Variants in SLC15A1 observed in about 807,000 individuals in gnomAD.
SLC15A1 encodes the protein solute carrier family 15 member 1, also known as Caco-2 oligopeptide transporter.
Under a neutral mutation model 92.9 loss-of-function variants are expected in SLC15A1, and 83 were observed. The observed-to-expected ratio is 0.89, with a 90% CI of 0.75 to 1.07. The LOEUF is 1.07. Among genes scored for constraint, SLC15A1 ranks in the 50% least tolerant of loss-of-function variants. The probability of loss-of-function intolerance (pLI) is 0.00; values close to 1 mark genes in which losing one functional copy is unlikely to be tolerated. For synonymous variants in SLC15A1, 322 were observed against 318.2 expected (o/e 1.01, Z -0.13); for missense variants, 857 against 880.1 (o/e 0.97, Z 0.33).
At chr13:98,742,256 G>A (rs1431347416) in intron 1 of SLC15A1, among the ~76,000 whole-genome samples, 7 of 152,204 alleles carry the variant, frequency 4.6e-5, no homozygotes, top group Non-Finnish European at 8.8e-5. Flanking sequence ...GCCTGGCCCC[G>A]GCTCCTTGGC....
rs2088173290 is a variant in SLC15A1, at chr13:98,712,581, C to A, written c.727G>T (p.Ala243Ser). Reference sequence around the variant, plus strand: ...CGATGCCTAAATCTATTTTTGATGGCAAACTGAAGGAAGGAAGAAAAATCG... The same window carrying A: ...CGATGCCTAAATCTATTTTTGATGGAAAACTGAAGGAAGGAAGAAAAATCG... ...MGKVAKCIGFAIKNRFRHRSK... is the reference protein window; with the variant it reads ...MGKVAKCIGFSIKNRFRHRSK... Residue 243 changes from alanine (A) to serine (S), a missense_variant, in exon 10 of 23, where the codon GCC becomes TCC. Transcript: ENST00000376503. 4 of 1,604,892 alleles carry A rather than the reference C, an allele frequency of 2.5e-6. No homozygotes were observed. The highest frequency in any genetic ancestry group is 3.4e-6 in the Non-Finnish European group (4 of 1,176,132).
At chr13:98,736,644 A>AG (rs763388282) in intron 1 of SLC15A1, among the ~76,000 whole-genome samples, 75 of 152,346 alleles carry the variant, frequency 4.9e-4, no homozygotes, top group Non-Finnish European at 8.4e-4. Flanking sequence ...TAAATTTATA[A>AG]GAAAAAAATC....
chr13:98,729,926 T>C (rs2139599307), intron 1 of SLC15A1, among the ~76,000 whole-genome samples: 1 of 152,142 alleles, frequency 6.6e-6, no homozygotes, highest in South Asian at 2.1e-4. Context: ...TTTTGCCCAC[T>C]TAAGAGCATT....
chr13:98,725,404 G>C (rs2088290470), intron 4 of SLC15A1, among the ~76,000 whole-genome samples: 1 of 152,036 alleles, frequency 6.6e-6, no homozygotes, highest in South Asian at 2.1e-4. Flanking sequence ...CTTCCTGGAG[G>C]GCTGGGTGAC....
intron 5 of SLC15A1, among the ~76,000 whole-genome samples, chr13:98,722,123 G>A (rs1458521783): frequency 3.9e-5 from 6 of 152,124 alleles, no homozygotes; most frequent in East Asian, 1.9e-4. Flanking sequence ...TTTACCATCC[G>A]GAAAACATAA....
At chr13:98,744,414 G>T (rs552109779) in intron 1 of SLC15A1, among the ~76,000 whole-genome samples, 1 of 151,286 alleles carries the variant, frequency 6.6e-6, no homozygotes, top group Non-Finnish European at 1.5e-5. Context: ...TGACGTTAGG[G>T]TATAAAACAG....
intron 4 of SLC15A1, 69 bp from the exon 5 acceptor site, chr13:98,724,100 A>C (rs2088280605): frequency 6.3e-7 from 1 of 1,587,912 alleles, no homozygotes; most frequent in Non-Finnish European, 8.6e-7. Context: ...ACTCCACCAC[A>C]AAAGACCCCC....
chr13:98,710,079 A>T (rs2088148993), intron 11 of SLC15A1, among the ~76,000 whole-genome samples, 168 bp from the exon 12 acceptor site: 1 of 152,228 alleles, frequency 6.6e-6, no homozygotes, highest in Non-Finnish European at 1.5e-5. Context: ...ATACTAGGTC[A>T]AAAGAAACCA....
At chr13:98,726,298 A>C in intron 3 of SLC15A1, 34 bp from the exon 4 acceptor site, 2 of 1,613,450 alleles carry the variant, frequency 1.2e-6, no homozygotes, top group Non-Finnish European at 1.7e-6. Flanking sequence ...AGGAGGGGGA[A>C]ACAAAGTTAG....
chr13:98,697,151 G>C (rs1457594080), intron 18 of SLC15A1, among the ~76,000 whole-genome samples: 1 of 152,146 alleles, frequency 6.6e-6, no homozygotes, highest in East Asian at 1.9e-4. Flanking sequence ...TGCCTCCTGG[G>C]TTCGAGTGAT....
chr13:98,749,591 G>C (rs779913642), intron 1 of SLC15A1, among the ~76,000 whole-genome samples: 17 of 152,112 alleles, frequency 1.1e-4, no homozygotes, highest in Non-Finnish European at 1.8e-4. Context: ...TTTTCTTACT[G>C]ACGCTTCTTC....
At chr13:98,723,312 C>A in intron 5 of SLC15A1, among the ~76,000 whole-genome samples, 1 of 152,176 alleles carries the variant, frequency 6.6e-6, no homozygotes, top group East Asian at 1.9e-4. Context: ...ATTCTTCTTT[C>A]CCAGCTCATT....
intron 17 of SLC15A1, among the ~76,000 whole-genome samples, chr13:98,702,967 C>CAAAAAAA (rs535486738): frequency 1.3e-5 from 1 of 77,690 alleles, no homozygotes; most frequent in Non-Finnish European, 2.6e-5. Flanking sequence ...GATCCTGTCT[C>CAAAAAAA]AAAAAAAAAA....
chr13:98,700,314 C>T (rs1254547835), intron 18 of SLC15A1, among the ~76,000 whole-genome samples: 2 of 151,574 alleles, frequency 1.3e-5, no homozygotes, highest in African/African-American at 4.8e-5. Flanking sequence ...TAGTGAGACC[C>T]CATCTCTACC....
chr13:98,686,054 C>G (rs2087926383), intron 22 of SLC15A1, 136 bp downstream of exon 22: 1 of 668,814 alleles, frequency 1.5e-6, no homozygotes. Context: ...GGGAACAGCC[C>G]TGGCTGGTCT....
At chr13:98,695,198 C>A (rs575712174) in intron 18 of SLC15A1, among the ~76,000 whole-genome samples, 173 of 152,172 alleles carry the variant, frequency 1.1e-3, no homozygotes, top group Middle Eastern at 3.4e-3. Context: ...ACATACGGAA[C>A]AATGTATAAC....
intron 1 of SLC15A1, among the ~76,000 whole-genome samples, chr13:98,733,053 G>T (rs2139602065): frequency 6.6e-6 from 1 of 152,254 alleles, no homozygotes; most frequent in South Asian, 2.1e-4. Context: ...GAAAAGCAGG[G>T]GAGTGACTGC....
intron 1 of SLC15A1, among the ~76,000 whole-genome samples, chr13:98,744,333 C>A: frequency 1.4e-5 from 2 of 146,904 alleles, no homozygotes; most frequent in African/African-American, 2.5e-5. Flanking sequence ...AACTTATACA[C>A]ACACAGACTT....
Position 98,726,140 on chromosome 13 carries a change from C to G in SLC15A1, c.228G>C (p.Ser76=). Residue 76 remains serine (S), a synonymous_variant, in exon 4 of 23, where the codon TCG becomes TCC. Transcript: ENST00000376503. ...CCACTCACTTGAACTTTCCCAGCCACGAGTCGGCGATAAGAGCTCCGAGAA... is the reference window on the plus strand; with the variant it reads ...CCACTCACTTGAACTTTCCCAGCCAGGAGTCGGCGATAAGAGCTCCGAGAA... ...TPILGALIAD[S]WLGKFKTIVS... 4 of 1,614,054 alleles carry G rather than the reference C, an allele frequency of 2.5e-6. No individual in the cohort carries two copies. Among genetic ancestry groups the G allele is most frequent in the Non-Finnish European group, 3.4e-6 (4 of 1,179,972 alleles).
Sources: gnomAD v4.1 joint callset for allele counts (sites outside exome capture counted in the v4.1 genomes callset) on GRCh38, gnomAD v4.1.1 for gene constraint, MANE v1.5 for transcripts, NCBI Gene and HGNC (gene_info 2026-07-23, HGNC 2026-07-21) for gene names.